CHAT: variants seen among roughly 807,000 people sequenced by gnomAD.
CHAT encodes the protein choline O-acetyltransferase.
Under a neutral mutation model 76.9 loss-of-function variants are expected in CHAT, and 61 were observed. The ratio of observed to expected loss-of-function variants is 0.79; its 90% CI spans 0.65 to 0.98. CHAT has a LOEUF of 0.98. Ranked by LOEUF, CHAT falls within the 50% of genes least tolerant of loss-of-function variation. The probability of loss-of-function intolerance (pLI) is 0.00; values close to 1 mark genes in which losing one functional copy is unlikely to be tolerated. For missense variants in CHAT, 946 were observed against 986.9 expected (o/e 0.96, Z 0.56); for synonymous variants, 407 against 397.4 (o/e 1.02, Z -0.29).
At chr10:49,643,570 G>A (rs1319147621) in intron 7 of CHAT, among the ~76,000 whole-genome samples, 1 of 152,208 alleles carries the variant, frequency 6.6e-6, no homozygotes, top group African/African-American at 2.4e-5. Flanking sequence ...TGCCTAAGGA[G>A]GGGAGAAGGG....
Position 49,646,595 on chromosome 10 carries a change from C to T in CHAT, c.1202C>T (p.Thr401Ile). Reference sequence around the variant, plus strand: ...CCAGGAGGCGTGGAGCTCAGCGACACCCACAGGGCACTCCAGCTCCTTCAC... The same window carrying T: ...CCAGGAGGCGTGGAGCTCAGCGACATCCACAGGGCACTCCAGCTCCTTCAC... ...DAPGGVELSD[T>I]HRALQLLHGG... The change falls in exon 8 of 15, where the codon ACC becomes ATC. Residue 401 changes from threonine (T) to isoleucine (I), a missense_variant. Transcript: ENST00000337653. 1.2e-6 allele frequency: 2 copies of T among 1,614,220 alleles called. No individual in the cohort carries two copies. The highest frequency in any genetic ancestry group is 2.2e-5 in the East Asian group (1 of 44,886).
chr10:49,627,492 C>T lies in CHAT; in HGVS notation c.934-116C>T. On this transcript the variant is annotated intron_variant, in intron 6 of 14. Transcript: ENST00000337653. ...AAACTGAGACTAGAACCACCAAACACCTTGGGAACCTTGGGCCTGAGCATC... is the reference window on the plus strand; with the variant it reads ...AAACTGAGACTAGAACCACCAAACATCTTGGGAACCTTGGGCCTGAGCATC... 4 of 1,074,482 alleles carry T rather than the reference C, an allele frequency of 3.7e-6. No individual in the cohort carries two copies. In the Middle Eastern group the frequency reaches 6.1e-4, roughly 165 times the overall value. The allele number at this position is 1,074,482 out of a possible 1,614,324, so 66.6% of individuals were successfully genotyped here.
chr10:49,655,404 C>G lies in CHAT; in HGVS notation c.1795C>G (p.Leu599Val). The G allele has an allele frequency of 6.2e-7, 1 of 1,614,158 alleles. No homozygotes were observed. Among genetic ancestry groups the G allele is most frequent in the Non-Finnish European group, 8.5e-7 (1 of 1,180,024 alleles). The change falls in exon 13 of 15, where the codon CTC (leucine) becomes GTC (valine). Residue 599 changes from leucine (L) to valine (V), a missense_variant. Leu to Val is a conservative substitution (Grantham distance 32, BLOSUM62 1). Coordinates refer to ENST00000337653, the MANE Select transcript of CHAT (RefSeq NM_020549.5). ...TTGACAGGCTTCTGAGAAGCTTCTG[C>G]TCCTGAAGGATGCCATCCGTGCCCA... Reference protein sequence around the residue: ...AAVPASEKLLLLKDAIRAQTA... With the variant: ...AAVPASEKLLVLKDAIRAQTA...
chr10:49,641,734 T>C (rs1839488025), intron 7 of CHAT, among the ~76,000 whole-genome samples: 1 of 152,150 alleles, frequency 6.6e-6, no homozygotes, highest in African/African-American at 2.4e-5. Context: ...AGTTCATCCA[T>C]CTCCTGGACT....
intron 7 of CHAT, among the ~76,000 whole-genome samples, chr10:49,638,324 T>C (rs1839362730): frequency 1.3e-5 from 2 of 152,228 alleles, no homozygotes; most frequent in Non-Finnish European, 2.9e-5. Flanking sequence ...CCAAACTATA[T>C]CATTATATTT....
chr10:49,610,914 C>T (rs770631008), upstream of CHAT: 6 of 1,611,998 alleles, frequency 3.7e-6, no homozygotes, highest in Non-Finnish European at 5.1e-6. Flanking sequence ...CCATAGTGCC[C>T]GACTACATCG....
rs1022368020 is a variant in CHAT at position 49,664,876 on chromosome 10, A to G, written c.2077A>G (p.Ile693Val). 4 of 1,614,196 alleles carry G rather than the reference A, an allele frequency of 2.5e-6. No homozygotes were observed. The highest frequency in any genetic ancestry group is 1.1e-5 in the South Asian group (1 of 91,074). Residue 693 changes from isoleucine to valine, a missense_variant, in exon 15 of 15, where the codon ATC (isoleucine) becomes GTC (valine). Ile to Val is a conservative substitution (Grantham distance 29, BLOSUM62 3). This residue lies in a region of CHAT where 349 missense variants were observed against 393.9 expected (regional missense o/e 0.89). Coordinates refer to ENST00000337653, the MANE Select transcript of CHAT (RefSeq NM_020549.5). The stretch of plus-strand genomic sequence containing the variant: ...CCAGCCAGAGACCATCCTTTTCTGC[A>G]TCTCTAGCTTTCACAGCTGCAAAGA... ...NPQPETILFC[I>V]SSFHSCKETS...
chr10:49,622,323 T>C (rs1838760440), intron 5 of CHAT, among the ~76,000 whole-genome samples, 173 bp downstream of exon 5: 1 of 152,244 alleles, frequency 6.6e-6, no homozygotes. Context: ...TTAGCCTGGC[T>C]GGCCTGTCTG....
chr10:49,614,318 G>T lies in CHAT; in HGVS notation c.129G>T (p.Gly43=). 1 of 1,547,782 alleles carries T rather than the reference G, an allele frequency of 6.5e-7. No individual in the cohort carries two copies. The highest frequency in any genetic ancestry group is 8.7e-7 in the Non-Finnish European group (1 of 1,146,212). The change falls in exon 1 of 15, where the codon GGG becomes GGT. Residue 43 remains glycine (G), a synonymous_variant. Transcript: ENST00000337653. Reference sequence around the variant, plus strand: ...GCTTTCTCCAGTCGGGTGGCCGCGGGGACCCGGGCGACGTCGGAGGCCCTG... The same window carrying T: ...GCTTTCTCCAGTCGGGTGGCCGCGGTGACCCGGGCGACGTCGGAGGCCCTG... ...PACFLQSGGR[G]DPGDVGGPAG...
chr10:49,646,465 A>G, intron 7 of CHAT, 40 bp from the exon 8 acceptor site: 1 of 1,612,676 alleles, frequency 6.2e-7, no homozygotes, highest in Non-Finnish European at 8.5e-7. Context: ...ACTGGCCTGG[A>G]GCGGGACAGG....
intron 1 of CHAT, chr10:49,615,686 A>T (rs1419566299): frequency 3.2e-6 from 1 of 314,006 alleles, no homozygotes; most frequent in Non-Finnish European, 5.9e-6. Context: ...AGCAATTGTG[A>T]CCCACAGCCT....
At chr10:49,610,662 G>A (rs1402182110), upstream of CHAT, 3 of 1,376,140 alleles carry the variant, frequency 2.2e-6, no homozygotes, top group Admixed American at 6.1e-5. Flanking sequence ...CCGAAGTCCC[G>A]TGCCCTCGCC....
At chr10:49,654,289 G>C (rs10857522) in intron 11 of CHAT, among the ~76,000 whole-genome samples, 65,831 of 152,108 alleles carry the variant, frequency 0.43, 14,519 homozygotes, top group East Asian at 0.69. Context: ...AAACCTCCAG[G>C]AGCCCAGCCA....
upstream of CHAT, chr10:49,611,256 C>A (rs1210881274): frequency 3.7e-6 from 6 of 1,612,930 alleles, no homozygotes; most frequent in South Asian, 2.2e-5. Context: ...TCGCCTTCGC[C>A]GAGGACTACG....
chr10:49,646,710 A>G, intron 8 of CHAT, 36 bp downstream of exon 8: 2 of 1,609,174 alleles, frequency 1.2e-6, no homozygotes, highest in Non-Finnish European at 1.7e-6. Flanking sequence ...GAGCACAGCC[A>G]TGCCCCCAGC....
intron 7 of CHAT, among the ~76,000 whole-genome samples, chr10:49,644,616 C>T (rs1055461101): frequency 6.6e-6 from 1 of 152,166 alleles, no homozygotes; most frequent in Non-Finnish European, 1.5e-5. Flanking sequence ...GCCTCATCCT[C>T]AACAGGAGGG....
intron 13 of CHAT, among the ~76,000 whole-genome samples, chr10:49,659,340 GT>G (rs2132843623): frequency 6.6e-6 from 1 of 152,312 alleles, no homozygotes; most frequent in African/African-American, 2.4e-5. Flanking sequence ...ACTGGAGAAT[GT>G]AGACTTCTAA....
upstream of CHAT, chr10:49,611,001 G>T (rs773239597): frequency 3.1e-6 from 5 of 1,613,366 alleles, no homozygotes; most frequent in Non-Finnish European, 4.2e-6. Flanking sequence ...TGCCCACTCC[G>T]GCCAATGCCA....
rs1488803341 is a variant in CHAT, at chr10:49,616,605, G to C, written c.387+3G>C. 1 of 1,599,396 alleles carries C rather than the reference G, an allele frequency of 6.3e-7. No homozygotes were observed. Among genetic ancestry groups the C allele is most frequent in the Non-Finnish European group, 8.5e-7 (1 of 1,169,750 alleles). On this transcript the variant is annotated splice_donor_region_variant and intron_variant, in intron 2 of 14. Transcript: ENST00000337653. ...AAACTCCCAGCAGTGAGGAGTCTGT[G>C]AGTGACTTTTGGAGCCCTCTCTCAA...
Sources: gnomAD v4.1 joint callset for allele counts (sites outside exome capture counted in the v4.1 genomes callset) on GRCh38, gnomAD v4.1.1 for gene constraint, gnomAD v4.1.1 regional missense constraint, MANE v1.5 for transcripts, NCBI Gene and HGNC (gene_info 2026-07-23, HGNC 2026-07-21) for gene names.